The following AGFG1 variants were observed in gnomAD, a reference collection of about 807,000 sequenced individuals.
AGFG1 encodes arf-GAP domain and FG repeat-containing protein 1.
AGFG1 carries 10 observed loss-of-function variants against 60.6 expected under a neutral mutation model. The observed-to-expected ratio is 0.16, with a 90% confidence interval of 0.10 to 0.28. AGFG1 has a LOEUF of 0.28. AGFG1 is among the 10% of genes least tolerant of loss of function. The probability of loss-of-function intolerance (pLI) is 1.00; values close to 1 mark genes in which losing one functional copy is unlikely to be tolerated. For synonymous variants in AGFG1, 247 were observed against 242.9 expected (o/e 1.02, Z -0.16); for missense variants, 537 against 676.5 (o/e 0.79, Z 2.29).
intron 4 of AGFG1, 80 bp downstream of exon 4, chr2:227,524,005 A>G: frequency 7.3e-7 from 1 of 1,373,810 alleles, no homozygotes. Context: ...TGTTTAAGAC[A>G]GCAGCATAAT....
intron 1 of AGFG1, among the ~76,000 whole-genome samples, chr2:227,474,055 G>A (rs1430670863): frequency 6.6e-6 from 1 of 152,208 alleles, no homozygotes; most frequent in African/African-American, 2.4e-5. Flanking sequence ...TGTGTGGCCA[G>A]GGAGACACTC....
intron 11 of AGFG1, among the ~76,000 whole-genome samples, 177 bp from the exon 12 acceptor site, chr2:227,553,527 A>G (rs572457554): frequency 1.4e-3 from 219 of 151,606 alleles, no homozygotes; most frequent in African/African-American, 5.2e-3. Flanking sequence ...ATTTTAAGAC[A>G]TGCTACAGTA....
chr2:227,497,668 C>G (rs1691014722), intron 2 of AGFG1, among the ~76,000 whole-genome samples: 1 of 147,580 alleles, frequency 6.8e-6, no homozygotes, highest in Non-Finnish European at 1.5e-5. Flanking sequence ...TTGCATACGT[C>G]TTAATTATAC....
chr2:227,506,906 CGGTGG>C (rs1457664115), intron 2 of AGFG1, among the ~76,000 whole-genome samples: 1 of 152,050 alleles, frequency 6.6e-6, no homozygotes, highest in Non-Finnish European at 1.5e-5. Context: ...ACCTATAAAC[CGGTGG>C]TTGGCTGTAG....
In AGFG1 at chr2:227,553,634, A is replaced by T. The variant is rs1009979950; in HGVS notation, c.1538-70A>T. On this transcript the variant is annotated intron_variant, in intron 11 of 12. Coordinates refer to ENST00000310078, the MANE Select transcript of AGFG1 (RefSeq NM_004504.5). ...GGTAGGAATGTCTCTGAAAGTTATT[A>T]TGAGGCTTTATAAGCATCAGATTGT... 5 of 1,253,548 alleles carry T rather than the reference A, an allele frequency of 4.0e-6. No individual in the cohort carries two copies. In the African/African-American group the frequency reaches 7.5e-5, roughly 19 times the overall value. 77.7% of individuals were successfully genotyped at this position (1,253,548 alleles called of 1,614,324 possible). A position where few individuals can be genotyped will look rare whatever the true frequency, so the allele number is the denominator to read the frequency against.
intron 10 of AGFG1, among the ~76,000 whole-genome samples, chr2:227,548,089 A>G (rs1177944248): frequency 2.0e-5 from 3 of 152,230 alleles, no homozygotes; most frequent in Non-Finnish European, 4.4e-5. Context: ...TCGTCACAAA[A>G]GGCCACATAT....
intron 5 of AGFG1, among the ~76,000 whole-genome samples, chr2:227,527,042 A>G (rs1692014948): frequency 6.6e-6 from 1 of 152,184 alleles, no homozygotes; most frequent in African/African-American, 2.4e-5. Context: ...AAAATTGATT[A>G]TTGAAGTATA....
intron 1 of AGFG1, 61 bp from the exon 2 acceptor site, chr2:227,491,486 A>T: frequency 9.9e-7 from 1 of 1,014,776 alleles, no homozygotes; most frequent in Non-Finnish European, 1.4e-6. Context: ...GAATTACTAG[A>T]TGTGTCATTT....
rs866558425 is a variant in AGFG1 at position 227,497,726 on chromosome 2, T to G, written c.261+6086T>G. Reference sequence around the variant, plus strand: ...GCATATATAGCCAAATGAGTTTCTTTCTTGTTTTGTTTTTTTTTTTTTTTT... The same window carrying G: ...GCATATATAGCCAAATGAGTTTCTTGCTTGTTTTGTTTTTTTTTTTTTTTT... On this transcript the variant is annotated intron_variant, in intron 2 of 12. Transcript: ENST00000310078. 7.4e-3 allele frequency among the ~76,000 whole-genome samples: 301 copies of G among 40,932 alleles called. 5 individuals carry two copies. Among genetic ancestry groups the G allele is most frequent in the South Asian group, 0.053 (26 of 486 alleles). 26.9% of individuals were successfully genotyped at this position (40,932 alleles called of 152,430 possible).
chr2:227,494,143 G>C (rs1010394488), intron 2 of AGFG1, among the ~76,000 whole-genome samples: 14 of 152,190 alleles, frequency 9.2e-5, no homozygotes, highest in African/African-American at 3.1e-4. Context: ...AGTATTAACA[G>C]TATCTGTGTT....
chr2:227,529,174 T>C (rs1692088331), intron 5 of AGFG1, among the ~76,000 whole-genome samples: 1 of 152,214 alleles, frequency 6.6e-6, no homozygotes, highest in African/African-American at 2.4e-5. Context: ...ATACCATCTT[T>C]TGACGTTTTG....
chr2:227,493,931 G>A (rs1057262017), intron 2 of AGFG1, among the ~76,000 whole-genome samples: 1 of 152,144 alleles, frequency 6.6e-6, no homozygotes, highest in Non-Finnish European at 1.5e-5. Flanking sequence ...GGTTTTTGAG[G>A]GTAACTAGAA....
intron 2 of AGFG1, 143 bp from the exon 3 acceptor site, chr2:227,519,805 C>T (rs780323794): frequency 3.3e-5 from 17 of 520,844 alleles, no homozygotes; most frequent in Non-Finnish European, 5.4e-5. Flanking sequence ...AAATTTAGTT[C>T]CTGTTTATTA....
chr2:227,474,555 C>T (rs1690224923), intron 1 of AGFG1, among the ~76,000 whole-genome samples: 1 of 152,180 alleles, frequency 6.6e-6, no homozygotes, highest in Non-Finnish European at 1.5e-5. Flanking sequence ...TTGAGTCATT[C>T]CACAAATATT....
At chr2:227,540,501 C>T (rs929342645) in intron 10 of AGFG1, among the ~76,000 whole-genome samples, 5 of 152,102 alleles carry the variant, frequency 3.3e-5, no homozygotes, top group East Asian at 1.9e-4. Flanking sequence ...CAGCTTCATC[C>T]GTGTGCCTAC....
chr2:227,541,698 T>A (rs564515232), intron 10 of AGFG1, among the ~76,000 whole-genome samples: 19 of 152,332 alleles, frequency 1.2e-4, no homozygotes, highest in African/African-American at 4.6e-4. Context: ...TGGTTCCATA[T>A]GAACTTTCAA....
chr2:227,551,213 A>G (rs929455619), intron 10 of AGFG1, among the ~76,000 whole-genome samples: 2 of 152,114 alleles, frequency 1.3e-5, no homozygotes, highest in African/African-American at 4.8e-5. Context: ...TGCTTATTTC[A>G]CTTCTAATCT....
rs148621752 is a variant in AGFG1 at position 227,497,730 on chromosome 2, G to GTTTTTTTTTTTTTTT, written c.261+6094_261+6095insTTTTTTTTTTTTTTT. On this transcript the variant is annotated intron_variant, in intron 2 of 12. Coordinates refer to ENST00000310078, the MANE Select transcript of AGFG1 (RefSeq NM_004504.5). ...ATATAGCCAAATGAGTTTCTTTCTTGTTTTGTTTTTTTTTTTTTTTTTTTT... is the reference window on the plus strand; with the variant it reads ...ATATAGCCAAATGAGTTTCTTTCTTGTTTTTTTTTTTTTTTTTTTGTTTTTTTTTTTTTTTTTTTT... Among the ~76,000 whole-genome samples the GTTTTTTTTTTTTTTT allele has an allele frequency of 6.7e-4, 26 of 38,920 alleles. 3 individuals are homozygous for GTTTTTTTTTTTTTTT. The highest frequency in any genetic ancestry group is 1.7e-3 in the African/African-American group (22 of 13,230). 25.5% of individuals were successfully genotyped at this position (38,920 alleles called of 152,430 possible).
intron 10 of AGFG1, among the ~76,000 whole-genome samples, chr2:227,548,474 A>T (rs1487493228): frequency 6.6e-6 from 1 of 152,228 alleles, no homozygotes; most frequent in Non-Finnish European, 1.5e-5. Flanking sequence ...GTTGGCTAAA[A>T]GTCAGTTTTT....
Sources: allele counts gnomAD v4.1 joint callset (sites outside exome capture counted in the v4.1 genomes callset), GRCh38; gene constraint gnomAD v4.1.1; transcripts MANE v1.5; gene names NCBI Gene and HGNC (gene_info 2026-07-23, HGNC 2026-07-21).